Variants in EBF1 observed in about 807,000 individuals in gnomAD.
EBF1 encodes EBF transcription factor 1.
Under a neutral mutation model 68.4 loss-of-function variants are expected in EBF1, and 10 were observed. That is an observed-to-expected ratio of 0.15 (90% CI 0.09 to 0.25). The LOEUF (loss-of-function observed/expected upper bound fraction) is 0.25, where lower values mean the gene tolerates loss of function less well. Among genes scored for constraint, EBF1 ranks in the 10% least tolerant of loss-of-function variants. EBF1 has a pLI of 1.00. For synonymous variants in EBF1, 298 were observed against 299.8 expected, an observed-to-expected ratio of 0.99 and a Z score of 0.06; for missense variants, 509 against 794.4, an observed-to-expected ratio of 0.64 and a Z score of 4.32.
chr5:158,767,848 G>C (rs1024758191), intron 10 of EBF1, among the ~76,000 whole-genome samples: 8 of 152,140 alleles, frequency 5.3e-5, no homozygotes, highest in Admixed American at 4.6e-4. Flanking sequence ...GAGGATCAGA[G>C]AGGGGCCTAC....
In EBF1 at chr5:159,051,432, C is replaced by T. The variant is rs1188237219; in HGVS notation, c.554+21964G>A. On this transcript the variant is annotated intron_variant, in intron 6 of 15. Transcript: ENST00000313708. Reference sequence around the variant, plus strand: ...TCCCCCTCCCCCCCGCTCCCGCAGCCCCCCACCCCCCCACCCCGCCGCCCG... The same window carrying T: ...TCCCCCTCCCCCCCGCTCCCGCAGCTCCCCACCCCCCCACCCCGCCGCCCG... 2.3e-5 allele frequency among the ~76,000 whole-genome samples: 3 copies of T among 130,258 alleles called. No homozygotes were observed. In the East Asian group the frequency reaches 7.8e-4, roughly 34 times the overall value. The allele number at this position is 130,258 out of a possible 152,430, so 85.5% of individuals were successfully genotyped here.
intron 6 of EBF1, among the ~76,000 whole-genome samples, chr5:158,992,285 G>C (rs1368214700): frequency 6.7e-6 from 1 of 149,734 alleles, no homozygotes; most frequent in African/African-American, 2.4e-5. Flanking sequence ...TGCTCATGTA[G>C]CAGTGGAGGC....
Position 158,898,275 on chromosome 5 carries a change from T to C in EBF1, c.555-58165A>G, listed in dbSNP as rs1457967643. Among the ~76,000 whole-genome samples, 7 of 152,212 alleles carry C rather than the reference T, an allele frequency of 4.6e-5. 1 individual carries two copies. Among genetic ancestry groups the C allele is most frequent in the Admixed American group, 3.3e-4 (5 of 15,280 alleles). ...TGCTCTCCTTTTACCAATATTTGCA[T>C]TGGCAACTGTTCCACATCATTACTA... On this transcript the variant is annotated intron_variant, in intron 6 of 15. Transcript: ENST00000313708.
chr5:159,036,064 C>T (rs1393046941), intron 6 of EBF1, among the ~76,000 whole-genome samples: 1 of 152,158 alleles, frequency 6.6e-6, no homozygotes, highest in Non-Finnish European at 1.5e-5. Context: ...ATATTGGCTT[C>T]ATGGGTGCAG....
intron 10 of EBF1, among the ~76,000 whole-genome samples, chr5:158,775,745 AACACACACAC>A (rs3220206): frequency 1.2e-4 from 16 of 137,718 alleles, no homozygotes; most frequent in East Asian, 6.5e-4. Context: ...AGACTTGTAA[AACACACACAC>A]ACACACACAC....
At chr5:158,991,965 C>A (rs1370600205) in intron 6 of EBF1, among the ~76,000 whole-genome samples, 1 of 152,172 alleles carries the variant, frequency 6.6e-6, no homozygotes, top group African/African-American at 2.4e-5. Context: ...AACTCACCAA[C>A]TTCCCAAGAC....
At position 158,714,110 on chromosome 5, in the gene EBF1, C is replaced by A. The variant is rs151118528; in HGVS notation, c.1191+7G>T. The A allele has an allele frequency of 4.3e-6, 7 of 1,614,054 alleles. No homozygotes were observed. Among genetic ancestry groups the A allele is most frequent in the Non-Finnish European group, 5.9e-6 (7 of 1,179,998 alleles). ...GTCCACACAGGCTAGACACCCACAGCGCTCACCTGGTTGTTGTGTGGCATC... is the reference window on the plus strand; with the variant it reads ...GTCCACACAGGCTAGACACCCACAGAGCTCACCTGGTTGTTGTGTGGCATC... On this transcript the variant is annotated splice_region_variant and intron_variant, in intron 12 of 15. Transcript: ENST00000313708.
chr5:159,014,204 TA>T (rs572381551), intron 6 of EBF1, among the ~76,000 whole-genome samples: 117 of 152,224 alleles, frequency 7.7e-4, no homozygotes, highest in African/African-American at 2.8e-3. Context: ...GACAGAAAAA[TA>T]GATATTAAAC....
intron 6 of EBF1, among the ~76,000 whole-genome samples, chr5:158,902,582 A>G (rs1279864313): frequency 6.7e-6 from 1 of 149,130 alleles, no homozygotes; most frequent in African/African-American, 2.5e-5. Context: ...ATGCACCACC[A>G]CACCTGAATA....
At chr5:158,749,276 A>G (rs1365224022) in intron 10 of EBF1, among the ~76,000 whole-genome samples, 2 of 152,212 alleles carry the variant, frequency 1.3e-5, no homozygotes, top group African/African-American at 2.4e-5. Context: ...GATCCTATCA[A>G]AAACAATTTT....
intron 6 of EBF1, among the ~76,000 whole-genome samples, chr5:158,918,613 T>C (rs1421813068): frequency 6.6e-6 from 1 of 152,232 alleles, no homozygotes; most frequent in East Asian, 1.9e-4. Flanking sequence ...TGTGTATAGT[T>C]AAGCCACTTT....
rs144850008 is a variant in EBF1, at chr5:158,919,640, T to C, written c.555-79530A>G. 2.3e-3 allele frequency among the ~76,000 whole-genome samples: 356 copies of C among 152,218 alleles called. 2 individuals carry two copies. The highest frequency in any genetic ancestry group is 8.3e-3 in the African/African-American group (346 of 41,502). ...CTGGGAAACCTGAAACAGAACCACA[T>C]CTTCTCTCAACTAAAGGCTTATTAA... On this transcript the variant is annotated intron_variant, in intron 6 of 15. Coordinates refer to ENST00000313708, the MANE Select transcript of EBF1 (RefSeq NM_024007.5).
intron 4 of EBF1, among the ~76,000 whole-genome samples, chr5:159,094,981 G>A (rs781107059): frequency 3.3e-5 from 5 of 152,124 alleles, no homozygotes; most frequent in Non-Finnish European, 7.3e-5. Flanking sequence ...TTAAGAAAAT[G>A]CCGTCTATGT....
chr5:159,095,381 G>C (rs1457481647), intron 4 of EBF1, among the ~76,000 whole-genome samples: 1 of 152,160 alleles, frequency 6.6e-6, no homozygotes, highest in African/African-American at 2.4e-5. Flanking sequence ...GCACCCTGCA[G>C]TCTTAATTCA....
chr5:159,020,397 C>T (rs966207026), intron 6 of EBF1, among the ~76,000 whole-genome samples: 2 of 152,188 alleles, frequency 1.3e-5, no homozygotes, highest in Non-Finnish European at 2.9e-5. Flanking sequence ...CAGGACTTGG[C>T]AGAAACAAGG....
intron 4 of EBF1, among the ~76,000 whole-genome samples, chr5:159,090,512 A>C (rs1781437539): frequency 6.6e-6 from 1 of 152,192 alleles, no homozygotes; most frequent in Non-Finnish European, 1.5e-5. Context: ...CGTTTTCAGA[A>C]GTGAATTAGG....
chr5:158,883,853 C>T (rs1251000859), intron 6 of EBF1, among the ~76,000 whole-genome samples: 1 of 152,066 alleles, frequency 6.6e-6, no homozygotes, highest in Non-Finnish European at 1.5e-5. Flanking sequence ...CGGTCCTTGC[C>T]CTGGAGGAGC....
At chr5:158,885,964 A>G (rs187026817) in intron 6 of EBF1, among the ~76,000 whole-genome samples, 68 of 152,286 alleles carry the variant, frequency 4.5e-4, no homozygotes, top group Admixed American at 2.2e-3. Context: ...ACTTCCCCCA[A>G]GTCTCACTCC....
intron 11 of EBF1, among the ~76,000 whole-genome samples, chr5:158,716,231 A>T (rs1316687340): frequency 6.6e-6 from 1 of 152,198 alleles, no homozygotes; most frequent in Non-Finnish European, 1.5e-5. Context: ...CCTTGGTGAT[A>T]GAGTTTTTCA....
Sources: gnomAD v4.1 joint callset for allele counts (sites outside exome capture counted in the v4.1 genomes callset) on GRCh38, gnomAD v4.1.1 for gene constraint, MANE v1.5 for transcripts, NCBI Gene and HGNC (gene_info 2026-07-23, HGNC 2026-07-21) for gene names.